The following LRRC9 variants were observed in gnomAD, a reference collection of about 807,000 sequenced individuals.
LRRC9 encodes leucine-rich repeat-containing protein 9.
In LRRC9, 122 loss-of-function variants were observed where a neutral mutation model predicts 63.2. The observed-to-expected ratio is 1.93, with a 90% CI of 1.67 to 2.24. The LOEUF (loss-of-function observed/expected upper bound fraction) is 2.24, where lower values mean the gene tolerates loss of function less well. Ranked by LOEUF, LRRC9 falls within the 30% of genes most tolerant of loss-of-function variation. The probability of loss-of-function intolerance (pLI) is 0.00; values close to 1 mark genes in which losing one functional copy is unlikely to be tolerated. For missense variants in LRRC9, 1,071 were observed against 627.7 expected, an observed-to-expected ratio of 1.71 and a Z score of -7.55; for synonymous variants, 366 against 213.1, an observed-to-expected ratio of 1.72 and a Z score of -6.25.
chr14:60,041,883 A>G (rs1369826392), intron 29 of LRRC9, among the ~76,000 whole-genome samples: 2 of 152,058 alleles, frequency 1.3e-5, no homozygotes, highest in Non-Finnish European at 2.9e-5. Flanking sequence ...TTGTGGTTTT[A>G]TCTACCTTTG....
intron 23 of LRRC9, among the ~76,000 whole-genome samples, chr14:60,015,323 A>G (rs1268973738): frequency 1.3e-5 from 2 of 152,056 alleles, no homozygotes; most frequent in Non-Finnish European, 2.9e-5. Flanking sequence ...TCAAGTTGAG[A>G]TGTTCTTGGT....
At chr14:60,047,018 C>A (rs1056947149) in intron 29 of LRRC9, among the ~76,000 whole-genome samples, 1 of 152,056 alleles carries the variant, frequency 6.6e-6, no homozygotes, top group Non-Finnish European at 1.5e-5. Context: ...CTTTTTGTAA[C>A]AATTGTGATT....
rs112034765 is a variant in LRRC9, at chr14:60,042,560, T to C, written c.3990+10497T>C. 2.9e-3 allele frequency among the ~76,000 whole-genome samples: 449 copies of C among 152,246 alleles called. 3 individuals carry two copies. The highest frequency in any genetic ancestry group is 0.01 in the African/African-American group (431 of 41,552). ...GGGATCCTCCAAGCCATGCGCGGGA[T>C]ATAATCTCCTGTTGTGCCGTTTGCT... is the stretch of plus-strand genomic sequence containing the variant. On this transcript the variant is annotated intron_variant, in intron 29 of 31. Transcript: ENST00000445360. The surrounding 1 kb of genome is among the most constrained non-coding windows in gnomAD (Gnocchi z 4.2).
chr14:59,939,356 G>A (rs1458314202), intron 7 of LRRC9, among the ~76,000 whole-genome samples: 1 of 151,950 alleles, frequency 6.6e-6, no homozygotes, highest in East Asian at 1.9e-4. Context: ...TGAGACTGTA[G>A]ACTGTTGTAA....
chr14:59,969,429 T>C (rs1885225769), intron 12 of LRRC9: 1 of 152,228 alleles, frequency 6.6e-6, no homozygotes, highest in African/African-American at 2.4e-5. Context: ...CATCAGTGTG[T>C]AGCATGTAAA....
chr14:59,949,766 T>C (rs1333223269), intron 8 of LRRC9, among the ~76,000 whole-genome samples: 1 of 150,856 alleles, frequency 6.6e-6, no homozygotes, highest in Non-Finnish European at 1.5e-5. Flanking sequence ...CCAGTAGTCA[T>C]TCAGGAGCAG....
chr14:59,969,324 A>T (rs1187431056), intron 12 of LRRC9: 3 of 152,146 alleles, frequency 2.0e-5, no homozygotes, highest in African/African-American at 7.2e-5. Context: ...GCTTCTAAAC[A>T]TGGGAATACC....
chr14:60,047,150 GC>G (rs2140410521), intron 29 of LRRC9, among the ~76,000 whole-genome samples: 1 of 152,244 alleles, frequency 6.6e-6, no homozygotes, highest in East Asian at 1.9e-4. Flanking sequence ...AACTTAAGAA[GC>G]TTTTGGGATG....
chr14:60,034,940 T>C (rs570938649), intron 29 of LRRC9, among the ~76,000 whole-genome samples: 72 of 152,274 alleles, frequency 4.7e-4, no homozygotes, highest in African/African-American at 1.5e-3. Flanking sequence ...ACCATAATGG[T>C]AATTTACATT....
intron 7 of LRRC9, among the ~76,000 whole-genome samples, chr14:59,941,986 T>C (rs1189228109): frequency 6.6e-6 from 1 of 152,158 alleles, no homozygotes; most frequent in Non-Finnish European, 1.5e-5. Flanking sequence ...CAGCCTCCAA[T>C]AGCTACAATT....
chr14:60,000,078 A>G (rs1430687512), intron 19 of LRRC9, among the ~76,000 whole-genome samples: 2 of 152,134 alleles, frequency 1.3e-5, no homozygotes, highest in African/African-American at 4.8e-5. Flanking sequence ...TAAAGAAAAC[A>G]TGGTAAATAT....
At chr14:59,939,104 C>A (rs1881471649) in intron 7 of LRRC9, among the ~76,000 whole-genome samples, 1 of 125,998 alleles carries the variant, frequency 7.9e-6, no homozygotes, top group Non-Finnish European at 1.7e-5. Context: ...TATATATACA[C>A]ACATATATAT....
chr14:60,026,408 G>C (rs1012742347), intron 27 of LRRC9, among the ~76,000 whole-genome samples: 3 of 151,874 alleles, frequency 2.0e-5, no homozygotes, highest in Non-Finnish European at 4.4e-5. Context: ...TTCTTCTTTT[G>C]AGAAATGTCT....
chr14:59,966,792 A>C lies in LRRC9; in HGVS notation c.1388+27A>C. 1 of 577,370 alleles carries C rather than the reference A, an allele frequency of 1.7e-6. No individual in the cohort carries two copies. The highest frequency in any genetic ancestry group is 3.1e-6 in the Non-Finnish European group (1 of 321,150). The allele number at this position is 577,370 out of a possible 1,614,324, so 35.8% of individuals were successfully genotyped here. A position where few individuals can be genotyped will look rare whatever the true frequency, so the allele number is the denominator to read the frequency against. On this transcript the variant is annotated intron_variant, in intron 11 of 31. Transcript: ENST00000445360. The surrounding 1 kb of genome is among the most constrained non-coding windows in gnomAD (Gnocchi z 4.0). The stretch of plus-strand genomic sequence containing the variant: ...TAAGAAGCTGAATTCTTTATGGAAC[A>C]ACTTTACAAAAGTGTGACTGTATTT...
intron 9 of LRRC9, 147 bp downstream of exon 9, chr14:59,960,161 T>C: frequency 2.1e-6 from 1 of 484,310 alleles, no homozygotes. Context: ...TTAGTACTAG[T>C]TCCTAGTACA....
At chr14:60,001,182 G>A (rs1032499599) in intron 19 of LRRC9, among the ~76,000 whole-genome samples, 1 of 150,266 alleles carries the variant, frequency 6.7e-6, no homozygotes, top group Non-Finnish European at 1.5e-5. Flanking sequence ...TAAAGCTGAT[G>A]TATATTTGTG....
At chr14:60,024,358 G>C (rs1891350830) in intron 27 of LRRC9, among the ~76,000 whole-genome samples, 1 of 151,412 alleles carries the variant, frequency 6.6e-6, no homozygotes, top group African/African-American at 2.4e-5. Context: ...AGAGAAATTT[G>C]TACAGGATGT....
At chr14:59,991,638 G>T (rs1374000137) in intron 17 of LRRC9, among the ~76,000 whole-genome samples, 1 of 152,174 alleles carries the variant, frequency 6.6e-6, no homozygotes. Flanking sequence ...CTTTTCCAAT[G>T]GTCTTGGCAA....
chr14:60,011,301 C>G (rs1890240638), intron 23 of LRRC9, among the ~76,000 whole-genome samples: 1 of 152,118 alleles, frequency 6.6e-6, no homozygotes, highest in Non-Finnish European at 1.5e-5. Context: ...TATTCACTAT[C>G]ACAAGAACAG....
Sources: gnomAD v4.1 joint callset for allele counts (sites outside exome capture counted in the v4.1 genomes callset) on GRCh38, gnomAD v4.1.1 for gene constraint, Gnocchi (gnomAD v3.1) non-coding constraint, MANE v1.5 for transcripts, NCBI Gene and HGNC (gene_info 2026-07-23, HGNC 2026-07-21) for gene names.